The following ATP8A2 variants were observed in gnomAD, a reference collection of about 807,000 sequenced individuals.
The protein encoded by ATP8A2 is phospholipid-transporting ATPase IB.
In ATP8A2, 100 loss-of-function variants were observed where a neutral mutation model predicts 165.6. The ratio of observed to expected loss-of-function variants is 0.60; its 90% CI spans 0.51 to 0.71. The LOEUF is 0.71. Among genes scored for constraint, ATP8A2 ranks in the 30% least tolerant of loss-of-function variants. The probability of loss-of-function intolerance (pLI) is 0.00; values close to 1 mark genes in which losing one functional copy is unlikely to be tolerated. For missense variants in ATP8A2, 1,227 were observed against 1,479.5 expected, an observed-to-expected ratio of 0.83 and a Z score of 2.80; for synonymous variants, 543 against 548.8, an observed-to-expected ratio of 0.99 and a Z score of 0.15.
intron 16 of ATP8A2, among the ~76,000 whole-genome samples, chr13:25,566,114 C>T (rs1314839179): frequency 6.6e-6 from 1 of 151,932 alleles, no homozygotes; most frequent in African/African-American, 2.4e-5. Context: ...GAAGTTAGTG[C>T]CCATTTGTTG....
chr13:25,596,453 C>T (rs950711225), intron 24 of ATP8A2, among the ~76,000 whole-genome samples: 3 of 152,082 alleles, frequency 2.0e-5, no homozygotes, highest in African/African-American at 7.2e-5. Flanking sequence ...CCTCCATATC[C>T]CCAGGCAAGC....
chr13:25,714,769 T>G (rs530130349), intron 25 of ATP8A2, among the ~76,000 whole-genome samples: 1 of 152,332 alleles, frequency 6.6e-6, no homozygotes, highest in East Asian at 1.9e-4. Context: ...CAGGGTCAAC[T>G]TTTTTCTCCT....
rs192241063 is a variant in ATP8A2, at chr13:25,754,602, G to A, written c.2385-14444G>A. On this transcript the variant is annotated intron_variant, in intron 25 of 36. Transcript: ENST00000381655. ...GCCCCATGTAACTAAGGGAATCTTG[G>A]AGAATTTTCTGATGTCAAAAAACAG... Among the ~76,000 whole-genome samples, 198 of 152,168 alleles carry A rather than the reference G, an allele frequency of 1.3e-3. 2 individuals carry two copies. The highest frequency in any genetic ancestry group is 4.5e-3 in the African/African-American group (188 of 41,510).
At chr13:25,848,388 T>A (rs970087611) in intron 30 of ATP8A2, among the ~76,000 whole-genome samples, 2 of 152,204 alleles carry the variant, frequency 1.3e-5, no homozygotes, top group African/African-American at 2.4e-5. Flanking sequence ...CATATCTGAT[T>A]GGCAAGAACT....
chr13:25,846,790 G>A (rs1436504683), intron 30 of ATP8A2, among the ~76,000 whole-genome samples: 1 of 152,146 alleles, frequency 6.6e-6, no homozygotes, highest in Non-Finnish European at 1.5e-5. Flanking sequence ...TGAGAAAAGT[G>A]GATGGGTTGG....
chr13:25,541,488 C>T (rs1352794953), intron 8 of ATP8A2, among the ~76,000 whole-genome samples: 1 of 151,944 alleles, frequency 6.6e-6, no homozygotes, highest in Non-Finnish European at 1.5e-5. Flanking sequence ...GCACCACTGC[C>T]CTCCAGCCTG....
chr13:25,550,078 G>T (rs965533841), intron 10 of ATP8A2, among the ~76,000 whole-genome samples: 2 of 152,184 alleles, frequency 1.3e-5, no homozygotes, highest in African/African-American at 4.8e-5. Flanking sequence ...GCCGAGGAGG[G>T]TGGATCACCT....
At chr13:25,766,874 A>G (rs1040157394) in intron 25 of ATP8A2, among the ~76,000 whole-genome samples, 1 of 152,184 alleles carries the variant, frequency 6.6e-6, no homozygotes, top group Non-Finnish European at 1.5e-5. Context: ...TGTGAGATGC[A>G]ATTGTTTTAT....
intron 2 of ATP8A2, among the ~76,000 whole-genome samples, chr13:25,491,611 C>A (rs1342828463): frequency 6.6e-6 from 1 of 152,180 alleles, no homozygotes; most frequent in African/African-American, 2.4e-5. Flanking sequence ...TACTTCGATT[C>A]TGTCATTTTA....
intron 6 of ATP8A2, among the ~76,000 whole-genome samples, chr13:25,535,227 G>T (rs2038239730): frequency 6.6e-6 from 1 of 152,184 alleles, no homozygotes; most frequent in Non-Finnish European, 1.5e-5. Flanking sequence ...GGGGAAGCTG[G>T]CTGTCCTTAA....
At chr13:25,766,544 T>C (rs1158916403) in intron 25 of ATP8A2, among the ~76,000 whole-genome samples, 2 of 152,158 alleles carry the variant, frequency 1.3e-5, no homozygotes, top group Non-Finnish European at 1.5e-5. Context: ...CTATTCCACA[T>C]TGATTTTCAC....
chr13:25,950,527 A>G (rs185177191), intron 33 of ATP8A2, among the ~76,000 whole-genome samples: 1 of 152,316 alleles, frequency 6.6e-6, no homozygotes, highest in Admixed American at 6.5e-5. Flanking sequence ...AAAATTGGGA[A>G]ATGTCTTCTT....
At chr13:25,713,321 A>G (rs182972384) in intron 25 of ATP8A2, among the ~76,000 whole-genome samples, 7 of 152,260 alleles carry the variant, frequency 4.6e-5, no homozygotes, top group East Asian at 1.9e-4. Context: ...GGCAAGTTTT[A>G]TTGATTTAGA....
chr13:25,733,063 G>T (rs1360912873), intron 25 of ATP8A2, among the ~76,000 whole-genome samples: 1 of 152,118 alleles, frequency 6.6e-6, no homozygotes, highest in Non-Finnish European at 1.5e-5. Flanking sequence ...AATTTTACAT[G>T]CCTTTATGAT....
intron 27 of ATP8A2, among the ~76,000 whole-genome samples, chr13:25,827,598 T>C (rs1255202389): frequency 6.6e-6 from 1 of 152,254 alleles, no homozygotes; most frequent in East Asian, 1.9e-4. Flanking sequence ...TTTGAACATG[T>C]TTCTTTTATA....
At chr13:25,689,383 T>A (rs182131218) in intron 24 of ATP8A2, among the ~76,000 whole-genome samples, 1 of 152,324 alleles carries the variant, frequency 6.6e-6, no homozygotes, top group Admixed American at 6.5e-5. Context: ...TGGTAAAATT[T>A]ACCTGATATA....
At chr13:25,551,292 C>T (rs2038814279) in intron 10 of ATP8A2, 46 bp from the exon 11 acceptor site, 3 of 1,568,088 alleles carry the variant, frequency 1.9e-6, no homozygotes, top group East Asian at 4.6e-5. Flanking sequence ...CCCCTTGCCC[C>T]AAATCTGTTC....
rs774835826 is a variant in ATP8A2, at chr13:25,694,977, CTTCT to C, written c.2212-4193_2212-4190del. 1.6e-4 allele frequency among the ~76,000 whole-genome samples: 24 copies of C among 152,252 alleles called. 1 individual carries two copies. The highest frequency in any genetic ancestry group is 3.4e-3 in the Middle Eastern group (1 of 294). On this transcript the variant is annotated intron_variant, in intron 24 of 36. Transcript: ENST00000381655. The stretch of plus-strand genomic sequence containing the variant: ...TACAGGCATGAGCCACCATGACTGG[CTTCT>C]TTGTTTTTAATAAAAGTCCATTTAA...
At chr13:25,770,270 G>C (rs2044590735) in intron 26 of ATP8A2, among the ~76,000 whole-genome samples, 1 of 152,088 alleles carries the variant, frequency 6.6e-6, no homozygotes, top group African/African-American at 2.4e-5. Context: ...ACGAGATTCT[G>C]ACCTTCTTAA....
Sources: gnomAD v4.1 joint callset for allele counts (sites outside exome capture counted in the v4.1 genomes callset) on GRCh38, gnomAD v4.1.1 for gene constraint, MANE v1.5 for transcripts, NCBI Gene and HGNC (gene_info 2026-07-23, HGNC 2026-07-21) for gene names.